The following UNC5A variants were observed in gnomAD, a reference collection of about 807,000 sequenced individuals.
The protein encoded by UNC5A is netrin receptor UNC5A.
A neutral mutation model predicts 87.4 loss-of-function variants in UNC5A; 20 were observed. The observed-to-expected ratio is 0.23, with a 90% CI of 0.16 to 0.33. The LOEUF (loss-of-function observed/expected upper bound fraction) is 0.33, where lower values mean the gene tolerates loss of function less well. Among genes scored for constraint, UNC5A ranks in the 10% least tolerant of loss-of-function variants. UNC5A has a pLI of 1.00. For missense variants in UNC5A, 844 were observed against 1,133.4 expected (o/e 0.74, Z 3.67); for synonymous variants, 438 against 482.3 (o/e 0.91, Z 1.20).
chr5:176,874,603 T>C lies in UNC5A; in HGVS notation c.1378+37T>C. On this transcript the variant is annotated intron_variant, in intron 8 of 14. Coordinates refer to ENST00000329542, the MANE Select transcript of UNC5A (RefSeq NM_133369.3). This position sits in a 1 kb window ranked among gnomAD's most constrained non-coding sequence, Gnocchi z 7.6. ...CCCAGGGGGCTCTGAGAGCTCCACT[T>C]CCCTCCTGGAGGAGGACGGGACAGC... 6.7e-7 allele frequency: 1 copy of C among 1,491,902 alleles called. No homozygotes were observed. The highest frequency in any genetic ancestry group is 8.9e-7 in the Non-Finnish European group (1 of 1,118,856). The allele number at this position is 1,491,902 out of a possible 1,614,324, so 92.4% of individuals were successfully genotyped here. A position where few individuals can be genotyped will look rare whatever the true frequency, so the allele number is the denominator to read the frequency against.
chr5:176,812,070 C>T (rs910350887), intron 1 of UNC5A, among the ~76,000 whole-genome samples: 1 of 152,094 alleles, frequency 6.6e-6, no homozygotes, highest in African/African-American at 2.4e-5. Context: ...CTACTCCATC[C>T]CACCCCTTCT....
At chr5:176,822,556 G>T (rs1756752976) in intron 1 of UNC5A, among the ~76,000 whole-genome samples, 1 of 152,222 alleles carries the variant, frequency 6.6e-6, no homozygotes, top group Admixed American at 6.5e-5. Flanking sequence ...TGACACCTGA[G>T]AGCCCGGGTG....
chr5:176,864,896 C>T (rs779487646), intron 2 of UNC5A: 2 of 451,156 alleles, frequency 4.4e-6, no homozygotes, highest in Non-Finnish European at 8.9e-6. Context: ...GAGCCTCTCC[C>T]GGCCCCAGCG....
At chr5:176,863,725 TC>T (rs1442765389) in intron 2 of UNC5A, among the ~76,000 whole-genome samples, 1 of 29,816 alleles carries the variant, frequency 3.4e-5, no homozygotes, top group Non-Finnish European at 6.6e-5. Context: ...CTCCCCCTCC[TC>T]CCCCTTTTCC....
intron 1 of UNC5A, among the ~76,000 whole-genome samples, chr5:176,843,458 G>T (rs1429354350): frequency 3.9e-5 from 6 of 152,180 alleles, no homozygotes. Context: ...AGGGGGGATT[G>T]GTGCAAAGGG....
intron 1 of UNC5A, among the ~76,000 whole-genome samples, chr5:176,847,156 C>T (rs1356230501): frequency 6.6e-6 from 1 of 152,210 alleles, no homozygotes; most frequent in Non-Finnish European, 1.5e-5. Context: ...CGGGCGCCGG[C>T]TGATTCTCCA....
At chr5:176,853,896 C>A (rs1254234494) in intron 1 of UNC5A, among the ~76,000 whole-genome samples, 6 of 152,202 alleles carry the variant, frequency 3.9e-5, no homozygotes, top group Non-Finnish European at 7.3e-5. Context: ...AGAAGAGAAG[C>A]AAGTCCTGGG....
At chr5:176,820,194 G>A (rs1281584399) in intron 1 of UNC5A, among the ~76,000 whole-genome samples, 1 of 152,146 alleles carries the variant, frequency 6.6e-6, no homozygotes, top group African/African-American at 2.4e-5. Context: ...TCAGGAAATC[G>A]AGACCATCCT....
chr5:176,818,111 C>T (rs1561637422), intron 1 of UNC5A, among the ~76,000 whole-genome samples: 1 of 152,244 alleles, frequency 6.6e-6, no homozygotes, highest in South Asian at 2.1e-4. Context: ...CAGCCCCTGC[C>T]CCTGCCCGCC....
chr5:176,845,236 C>T (rs971873926), intron 1 of UNC5A, among the ~76,000 whole-genome samples: 13 of 152,192 alleles, frequency 8.5e-5, no homozygotes, highest in African/African-American at 1.7e-4. Context: ...ACCAGCCCCA[C>T]GACAGAGCCC....
rs2149367180 is a variant in UNC5A at position 176,869,928 on chromosome 5, G to A, written c.722-442G>A. ...GGCTCAGTCTGAGGCGGGGATCGGG[G>A]TGCGGTGTATGGTTGGAGTCAGGGC... On this transcript the variant is annotated intron_variant, in intron 5 of 14. Transcript: ENST00000329542. This position sits in a 1 kb window ranked among gnomAD's most constrained non-coding sequence, Gnocchi z 9.1. 1 of 579,770 alleles carries A rather than the reference G, an allele frequency of 1.7e-6. No homozygotes were observed. Among genetic ancestry groups the A allele is most frequent in the African/African-American group, 1.9e-5 (1 of 53,066 alleles). The allele number at this position is 579,770 out of a possible 1,614,324, so 35.9% of individuals were successfully genotyped here.
At chr5:176,811,246 G>A (rs1263781298) in intron 1 of UNC5A, among the ~76,000 whole-genome samples, 1 of 152,214 alleles carries the variant, frequency 6.6e-6, no homozygotes, top group Non-Finnish European at 1.5e-5. Context: ...CTTCCCGGTA[G>A]CATCTGCCCT....
chr5:176,877,365 T>G, intron 9 of UNC5A, 86 bp downstream of exon 9: 1 of 1,407,712 alleles, frequency 7.1e-7, no homozygotes, highest in Non-Finnish European at 9.8e-7. Flanking sequence ...CACCCACTGT[T>G]GTGCCTGGCC....
intron 1 of UNC5A, among the ~76,000 whole-genome samples, chr5:176,831,300 C>A (rs1450151501): frequency 6.6e-6 from 1 of 152,156 alleles, no homozygotes; most frequent in Non-Finnish European, 1.5e-5. Context: ...TATGGGGCTG[C>A]AGCTGGTAAC....
At chr5:176,856,466 G>A (rs939176991) in intron 1 of UNC5A, among the ~76,000 whole-genome samples, 2 of 151,780 alleles carry the variant, frequency 1.3e-5, no homozygotes, top group South Asian at 2.1e-4. Context: ...ATTCAGTCAC[G>A]CAACAAACAC....
At chr5:176,877,491 G>A in intron 9 of UNC5A, 44 bp from the exon 10 acceptor site, 1 of 1,551,120 alleles carries the variant, frequency 6.4e-7, no homozygotes, top group Non-Finnish European at 8.7e-7. Flanking sequence ...CCCAGGATGG[G>A]CCACTGACAC....
At chr5:176,859,088 CATA>C (rs1757753928) in intron 1 of UNC5A, among the ~76,000 whole-genome samples, 1 of 150,554 alleles carries the variant, frequency 6.6e-6, no homozygotes, top group African/African-American at 2.5e-5. Flanking sequence ...TGCTAGAGGG[CATA>C]GCTGCTAGAA....
chr5:176,878,144 A>T lies in UNC5A; in HGVS notation c.1869+17A>T, dbSNP rs1033390743. On this transcript the variant is annotated intron_variant, in intron 11 of 14. Transcript: ENST00000329542. ...GCACTCAAGGTATCTCCCGCCCCTC[A>T]CCCCCCGCCGCTGGGAGGCCGAGCT... 1.9e-6 allele frequency: 3 copies of T among 1,572,434 alleles called. No individual in the cohort carries two copies. The highest frequency in any genetic ancestry group is 2.7e-5 in the African/African-American group (2 of 73,516).
intron 1 of UNC5A, among the ~76,000 whole-genome samples, chr5:176,850,691 T>A (rs1001383304): frequency 6.6e-6 from 1 of 152,134 alleles, no homozygotes; most frequent in Non-Finnish European, 1.5e-5. Context: ...GCTGTCGCCC[T>A]GGGCTGGTGG....
Sources: allele counts gnomAD v4.1 joint callset (sites outside exome capture counted in the v4.1 genomes callset), GRCh38; gene constraint gnomAD v4.1.1; non-coding constraint Gnocchi (gnomAD v3.1); transcripts MANE v1.5; gene names NCBI Gene and HGNC (gene_info 2026-07-23, HGNC 2026-07-21).